Variants in OASL observed in about 807,000 individuals in gnomAD.
The protein encoded by OASL is 2'-5'-oligoadenylate synthase-like protein.
OASL carries 28 observed loss-of-function variants against 35.3 expected under a neutral mutation model. The observed-to-expected ratio is 0.79, with a 90% CI of 0.59 to 1.09. The LOEUF is 1.09. OASL is among the 50% of genes least tolerant of loss of function. The pLI, the probability that OASL is intolerant of heterozygous loss-of-function variation, is 0.00. For missense variants in OASL, 620 were observed against 635.2 expected (o/e 0.98, Z 0.26); for synonymous variants, 252 against 254.6 (o/e 0.99, Z 0.10).
intron 3 of OASL, among the ~76,000 whole-genome samples, 166 bp from the exon 4 acceptor site, chr12:121,027,983 A>G (rs1372817541): frequency 1.3e-5 from 2 of 152,204 alleles, no homozygotes; most frequent in Non-Finnish European, 2.9e-5. Context: ...AGGTTTCACC[A>G]TTTTAGAATT....
downstream of OASL, among the ~76,000 whole-genome samples, chr12:121,018,760 C>T (rs1869125022): frequency 6.6e-6 from 1 of 150,742 alleles, no homozygotes; most frequent in Non-Finnish European, 1.5e-5. Flanking sequence ...GTCCCAGCTA[C>T]TCGGGAGGCT....
chr12:121,020,479 A>C, exon 6 of OASL: 1 of 1,409,444 alleles, frequency 7.1e-7, no homozygotes, highest in Non-Finnish European at 9.7e-7. Context: ...GGACCTTCCC[A>C]GTAGACAATG....
chr12:121,027,433 G>A (rs1017548633), intron 4 of OASL, 143 bp downstream of exon 4: 3 of 1,239,864 alleles, frequency 2.4e-6, no homozygotes, highest in South Asian at 2.9e-5. Context: ...GATGCCAGCT[G>A]TGTTGGTGTG....
At chr12:121,027,472 C>A in intron 4 of OASL, 104 bp downstream of exon 4, 1 of 1,514,438 alleles carries the variant, frequency 6.6e-7, no homozygotes, top group Non-Finnish European at 8.9e-7. Context: ...ATGGTGGCAG[C>A]CTTACTGCTT....
Position 121,038,855 on chromosome 12 carries a change from G to A in OASL, c.117C>T (p.Thr39=), listed in dbSNP as rs144785999. ...GCTCCTGCCTCAGAAACTCCTCCAC[G>A]GTCCGCACAGCGTCTAGCACCTCTT... is the stretch of plus-strand genomic sequence containing the variant. Residue 39 remains threonine, a synonymous_variant, in exon 1 of 6, where the codon ACC becomes ACT. Transcript: ENST00000257570. 2.2e-5 allele frequency: 35 copies of A among 1,614,074 alleles called. 1 individual carries two copies. The African/African-American group carries it at 2.5e-4, about 12-fold the overall frequency.
intron 3 of OASL, among the ~76,000 whole-genome samples, chr12:121,028,169 AG>A (rs1275128365): frequency 6.6e-6 from 1 of 152,222 alleles, no homozygotes; most frequent in Non-Finnish European, 1.5e-5. Flanking sequence ...CTTAAAAGAA[AG>A]GAAAGGTTTC....
At chr12:121,021,672 G>A (rs1224228605) in intron 5 of OASL, among the ~76,000 whole-genome samples, 11 of 152,200 alleles carry the variant, frequency 7.2e-5, no homozygotes, top group African/African-American at 2.2e-4. Flanking sequence ...TTAGCCGGGT[G>A]TGGTGGCGTA....
chr12:121,020,881 T>C (rs1869203800), exon 6 of OASL: 1 of 1,614,080 alleles, frequency 6.2e-7, no homozygotes, highest in Non-Finnish European at 8.5e-7. Flanking sequence ...GAGCACCTGC[T>C]GCTGAGAAGC....
chr12:121,023,279 TTTTTTTTC>T (rs945723457), intron 5 of OASL, among the ~76,000 whole-genome samples: 26 of 92,244 alleles, frequency 2.8e-4, no homozygotes, highest in Non-Finnish European at 5.7e-4. Flanking sequence ...GTGGTGTCTT[TTTTTTTTC>T]TTTTTTTCTT....
chr12:121,023,591 AGCG>A (rs1246755039), intron 5 of OASL: 2 of 160,542 alleles, frequency 1.2e-5, no homozygotes, highest in African/African-American at 4.8e-5. Flanking sequence ...CACCTGGCCG[AGCG>A]TCGTGGTCAT....
exon 1 of OASL, chr12:121,038,960 C>T: frequency 6.2e-7 from 1 of 1,614,060 alleles, no homozygotes; most frequent in Non-Finnish European, 8.5e-7. Flanking sequence ...ACAGTTCCTG[C>T]ATCAGTGCCA....
rs767845941 is a variant in OASL, at chr12:121,021,051, C to T, written c.1055G>A (p.Arg352Gln). 1.8e-5 allele frequency: 28 copies of T among 1,579,370 alleles called. No homozygotes were observed. In the East Asian group the frequency reaches 3.6e-4, roughly 20 times the overall value. The change falls in exon 6 of 6, where the codon CGA becomes CAA. Residue 352 changes from arginine (R) to glutamine (Q), a missense_variant. Transcript: ENST00000257570. ...CTGCTCCACTGTCAAGTGGATGTCT[C>T]GTGCCCTCTGGAAGGGAGAGGGAGA...
At chr12:121,030,622 T>G (rs1418178491) in intron 3 of OASL, among the ~76,000 whole-genome samples, 2 of 152,212 alleles carry the variant, frequency 1.3e-5, no homozygotes, top group African/African-American at 4.8e-5. Context: ...AGTTGGAGTT[T>G]CCGTTATCTC....
rs767950583 is a variant in OASL at position 121,033,550 on chromosome 12, C to G, written c.392G>C (p.Arg131Thr). Residue 131 changes from arginine (R) to threonine (T), a missense_variant, in exon 2 of 6, where the codon AGA (arginine) becomes ACA (threonine). By Grantham distance (71) the Arg-to-Thr change is moderately conservative. Transcript: ENST00000257570. ...GGTGAAGACGAGAGCATCGGGGACT[C>G]TCTGCTCCATCCTCAGGTCCTCGAG... 1.9e-5 allele frequency: 31 copies of G among 1,614,146 alleles called. No homozygotes were observed. In the South Asian group the frequency reaches 3.4e-4, roughly 18 times the overall value.
Position 121,035,540 on chromosome 12 carries a change from C to CCAAACAACA in OASL, c.199-1798_199-1797insTGTTGTTTG, listed in dbSNP as rs1555216046. ...ACTCCATCTAAACAAAACAAAACAA[C>CCAAACAACA]AAAAAAAAACGCCTTCACTTCCTGT... is the stretch of plus-strand genomic sequence containing the variant. On this transcript the variant is annotated intron_variant, in intron 1 of 5. Transcript: ENST00000257570. 1.5e-3 allele frequency among the ~76,000 whole-genome samples: 64 copies of CCAAACAACA among 42,986 alleles called. No homozygotes were observed. The East Asian group carries it at 0.021, about 14-fold the overall frequency. 28.2% of individuals were successfully genotyped at this position (42,986 alleles called of 152,430 possible).
At chr12:121,020,782 C>G in exon 6 of OASL, 1 of 1,614,084 alleles carries the variant, frequency 6.2e-7, no homozygotes, top group Middle Eastern at 1.6e-4. Flanking sequence ...CTCCCACCAT[C>G]AGGATTCTTC....
intron 1 of OASL, among the ~76,000 whole-genome samples, chr12:121,037,234 G>A (rs1169299774): frequency 6.6e-6 from 1 of 152,012 alleles, no homozygotes; most frequent in African/African-American, 2.4e-5. Context: ...CACCCTCTCT[G>A]TGCCTCGGTT....
chr12:121,024,028 C>G, exon 5 of OASL: 1 of 1,614,150 alleles, frequency 6.2e-7, no homozygotes. Flanking sequence ...TCCCTGTTGT[C>G]ATAGCAACAG....
At chr12:121,018,631 G>A (rs113573137), downstream of OASL, among the ~76,000 whole-genome samples, 6,310 of 152,000 alleles carry the variant, frequency 0.042, 170 homozygotes, top group South Asian at 0.092. Flanking sequence ...CACTGTGGGA[G>A]GCCAAGACAG....
Sources: gnomAD v4.1 joint callset for allele counts (sites outside exome capture counted in the v4.1 genomes callset) on GRCh38, gnomAD v4.1.1 for gene constraint, MANE v1.5 for transcripts, NCBI Gene and HGNC (gene_info 2026-07-23, HGNC 2026-07-21) for gene names.